PILRB: variants seen among roughly 807,000 people sequenced by gnomAD.
PILRB encodes paired immunoglobin like type 2 receptor beta, also known as paired immunoglobulin-like type 2 receptor beta.
Under a neutral mutation model 20.5 loss-of-function variants are expected in PILRB, and 21 were observed. That is an observed-to-expected ratio of 1.02 (90% confidence interval 0.72 to 1.47). The LOEUF (loss-of-function observed/expected upper bound fraction) is 1.47, where lower values mean the gene tolerates loss of function less well. Ranked by LOEUF, PILRB falls within the 40% of genes most tolerant of loss-of-function variation. The probability of loss-of-function intolerance (pLI) is 0.00; values close to 1 mark genes in which losing one functional copy is unlikely to be tolerated. For missense variants in PILRB, 253 were observed against 272.1 expected (o/e 0.93, Z 0.49); for synonymous variants, 133 against 115.1 (o/e 1.16, Z -0.99).
intron 3 of PILRB, among the ~76,000 whole-genome samples, chr7:100,366,316 C>CA (rs1790684139): frequency 6.6e-6 from 1 of 152,074 alleles, no homozygotes; most frequent in South Asian, 2.1e-4. Flanking sequence ...GTTAATATTT[C>CA]AGAGTTCCCA....
At chr7:100,365,664 C>G (rs1790660363) in intron 3 of PILRB, among the ~76,000 whole-genome samples, 1 of 151,974 alleles carries the variant, frequency 6.6e-6, no homozygotes, top group Admixed American at 6.6e-5. Context: ...ACTAAAAATA[C>G]AAAAAATAAG....
chr7:100,361,720 G>T (rs1026371098), intron 3 of PILRB, among the ~76,000 whole-genome samples: 1 of 152,038 alleles, frequency 6.6e-6, no homozygotes, highest in African/African-American at 2.4e-5. Flanking sequence ...AGTCTTCAGT[G>T]AAAGGAGATT....
In PILRB at chr7:100,359,006, C is replaced by T. The variant is rs770495490; in HGVS notation, c.381C>T (p.Val127=). The change falls in exon 2 of 4, where the codon GTC becomes GTT. Residue 127 remains valine (V), a synonymous_variant. Coordinates refer to ENST00000609309, the MANE Select transcript of PILRB (RefSeq NM_178238.4). ...ACCAGTCTGTGTATTTCTGCCGAGTCGAGCTGGACACCCGGAGATCAGGGA... is the reference window on the plus strand; with the variant it reads ...ACCAGTCTGTGTATTTCTGCCGAGTTGAGCTGGACACCCGGAGATCAGGGA... ...KEDQSVYFCR[V]ELDTRRSGRQ... 2.3e-5 allele frequency: 37 copies of T among 1,613,992 alleles called. No homozygotes were observed. The highest frequency in any genetic ancestry group is 2.0e-4 in the African/African-American group (15 of 74,884).
In PILRB at chr7:100,367,708, A is replaced by G. The variant is rs1368836491; in HGVS notation, c.*331A>G. 3 of 318,672 alleles carry G rather than the reference A, an allele frequency of 9.4e-6. No individual in the cohort carries two copies. Among genetic ancestry groups the G allele is most frequent in the Non-Finnish European group, 5.8e-6 (1 of 172,000 alleles). 19.7% of individuals were successfully genotyped at this position (318,672 alleles called of 1,614,324 possible). A position where few individuals can be genotyped will look rare whatever the true frequency, so the allele number is the denominator to read the frequency against. On this transcript the variant is annotated 3_prime_UTR_variant, in exon 4 of 4. Coordinates refer to ENST00000609309, the MANE Select transcript of PILRB (RefSeq NM_178238.4). The stretch of plus-strand genomic sequence containing the variant: ...TCCTTTATCCTCCCCAAGGATGGAA[A>G]AATACAATTTATTTTGCTTACCATA...
intron 3 of PILRB, among the ~76,000 whole-genome samples, chr7:100,366,995 C>T (rs1045416553): frequency 2.6e-5 from 4 of 152,090 alleles, no homozygotes; most frequent in Non-Finnish European, 5.9e-5. Context: ...GCTCTGGTCC[C>T]TCTAAGGAGG....
intron 2 of PILRB, 94 bp from the exon 3 acceptor site, chr7:100,359,243 G>C (rs1225402049): frequency 6.6e-7 from 1 of 1,521,254 alleles, no homozygotes; most frequent in Non-Finnish European, 9.1e-7. Flanking sequence ...TGCTCATCCT[G>C]AATGTCCCCA....
In PILRB at chr7:100,367,515, G is replaced by A. The variant is rs370021807; in HGVS notation, c.*138G>A. On this transcript the variant is annotated 3_prime_UTR_variant, in exon 4 of 4. Coordinates refer to ENST00000609309, the MANE Select transcript of PILRB (RefSeq NM_178238.4). Reference sequence around the variant, plus strand: ...CTGAGGACCTTTAAAAGGCAAAGCCGCAAGGCAGAAGGAGGCTGGGTCCCT... The same window carrying A: ...CTGAGGACCTTTAAAAGGCAAAGCCACAAGGCAGAAGGAGGCTGGGTCCCT... 2.6e-5 allele frequency: 18 copies of A among 680,104 alleles called. No homozygotes were observed. Among genetic ancestry groups the A allele is most frequent in the Middle Eastern group, 6.3e-4 (2 of 3,166 alleles). 42.1% of individuals were successfully genotyped at this position (680,104 alleles called of 1,614,324 possible).
intron 3 of PILRB, among the ~76,000 whole-genome samples, chr7:100,361,978 C>T (rs1277678935): frequency 6.6e-6 from 1 of 152,002 alleles, no homozygotes; most frequent in Non-Finnish European, 1.5e-5. Flanking sequence ...AAAATTTTTG[C>T]CGGGTGCGGT....
rs1477316936 is a variant in PILRB at position 100,367,461 on chromosome 7, C to G, written c.*84C>G. 3.9e-6 allele frequency: 3 copies of G among 768,314 alleles called. No homozygotes were observed. The East Asian group carries it at 7.3e-5, about 19-fold the overall frequency. 47.6% of individuals were successfully genotyped at this position (768,314 alleles called of 1,614,324 possible). On this transcript the variant is annotated 3_prime_UTR_variant, in exon 4 of 4. Transcript: ENST00000609309. ...CGCTTGTGAGTCCTCCACACTCGTT[C>G]CCCATTGGCAAGATACATGGAGAGC...
intron 3 of PILRB, among the ~76,000 whole-genome samples, chr7:100,364,231 T>C (rs1210947544): frequency 6.6e-6 from 1 of 152,108 alleles, no homozygotes; most frequent in Non-Finnish European, 1.5e-5. Context: ...CGACGAAGAA[T>C]AGTTTCTTCA....
At position 100,367,463 on chromosome 7, in the gene PILRB, C is replaced by T; in HGVS notation, c.*86C>T. 1.3e-6 allele frequency: 1 copy of T among 766,920 alleles called. No individual in the cohort carries two copies. The highest frequency in any genetic ancestry group is 2.5e-6 in the Non-Finnish European group (1 of 406,750). The allele number at this position is 766,920 out of a possible 1,614,324, so 47.5% of individuals were successfully genotyped here. On this transcript the variant is annotated 3_prime_UTR_variant, in exon 4 of 4. Coordinates refer to ENST00000609309, the MANE Select transcript of PILRB (RefSeq NM_178238.4). ...CTTGTGAGTCCTCCACACTCGTTCC[C>T]CATTGGCAAGATACATGGAGAGCAC... is the stretch of plus-strand genomic sequence containing the variant.
intron 3 of PILRB, among the ~76,000 whole-genome samples, chr7:100,362,205 G>A (rs1468016583): frequency 1.3e-5 from 2 of 152,138 alleles, no homozygotes; most frequent in Non-Finnish European, 2.9e-5. Context: ...GGTTCATTCT[G>A]TGAGGTCAGC....
rs538129514 is a variant in PILRB, at chr7:100,359,042, G to T, written c.417G>T (p.Leu139Phe). 1 of 1,614,122 alleles carries T rather than the reference G, an allele frequency of 6.2e-7. No homozygotes were observed. The highest frequency in any genetic ancestry group is 8.5e-7 in the Non-Finnish European group (1 of 1,180,030). The change falls in exon 2 of 4, where the codon TTG (leucine) becomes TTT (phenylalanine). Residue 139 changes from leucine to phenylalanine, a missense_variant. Leu to Phe is a conservative substitution (Grantham distance 22). Transcript: ENST00000609309. ...LDTRRSGRQQ[L>F]QSIKGTKLTI... ...CCCGGAGATCAGGGAGGCAGCAGTT[G>T]CAGTCCATCAAGGGGACCAAACTCA...
chr7:100,366,792 A>G (rs1790702336), intron 3 of PILRB, among the ~76,000 whole-genome samples: 3 of 152,034 alleles, frequency 2.0e-5, no homozygotes, highest in African/African-American at 7.3e-5. Flanking sequence ...GGGCTCAGCG[A>G]TAGAGGGAGC....
chr7:100,361,440 C>A (rs1164823118), intron 3 of PILRB, among the ~76,000 whole-genome samples: 1 of 152,116 alleles, frequency 6.6e-6, no homozygotes, highest in African/African-American at 2.4e-5. Context: ...GCCTATAATC[C>A]CAGCACCTTG....
intron 2 of PILRB, 45 bp downstream of exon 2, chr7:100,359,124 G>C: frequency 6.2e-7 from 1 of 1,611,458 alleles, no homozygotes; most frequent in East Asian, 2.2e-5. Flanking sequence ...CCGCAGTGAG[G>C]GTTTTGGTGA....
chr7:100,362,010 C>T (rs1478164522), intron 3 of PILRB, among the ~76,000 whole-genome samples: 3 of 151,990 alleles, frequency 2.0e-5, no homozygotes, highest in African/African-American at 7.3e-5. Context: ...GTGATTCTAG[C>T]AGAAAATCAG....
At chr7:100,364,459 GATGGTTTGTATTCTACAGGTGAAGT>G (rs1280115182) in intron 3 of PILRB, among the ~76,000 whole-genome samples, 4 of 152,190 alleles carry the variant, frequency 2.6e-5, no homozygotes, top group African/African-American at 9.7e-5. Context: ...ACAGGGGAAG[GATGGTTTGTATTCTACAGGTGAAGT>G]ATGATCACAT....
intron 3 of PILRB, among the ~76,000 whole-genome samples, chr7:100,365,828 C>A (rs1451801402): frequency 6.6e-6 from 1 of 151,800 alleles, no homozygotes; most frequent in South Asian, 2.1e-4. Flanking sequence ...AAAAAAAGAA[C>A]TTTTGGGTTT....
Sources: allele counts gnomAD v4.1 joint callset (sites outside exome capture counted in the v4.1 genomes callset), GRCh38; gene constraint gnomAD v4.1.1; transcripts MANE v1.5; gene names NCBI Gene and HGNC (gene_info 2026-07-23, HGNC 2026-07-21).